KTN1: variants seen among roughly 807,000 people sequenced by gnomAD.
KTN1 encodes kinectin.
In KTN1, 130 loss-of-function variants were observed where a neutral mutation model predicts 222.5. The observed-to-expected ratio is 0.58, with a 90% CI of 0.51 to 0.68. The LOEUF (loss-of-function observed/expected upper bound fraction) is 0.68, where lower values mean the gene tolerates loss of function less well. Ranked by LOEUF, KTN1 falls within the 30% of genes least tolerant of loss-of-function variation. The probability of loss-of-function intolerance (pLI) is 0.00; values close to 1 mark genes in which losing one functional copy is unlikely to be tolerated. For missense variants in KTN1, 1,508 were observed against 1,500.4 expected (o/e 1.01, Z -0.08); for synonymous variants, 512 against 496.3 (o/e 1.03, Z -0.42).
rs540108831 is a variant in KTN1, at chr14:55,637,865, T to C, written c.1785+18T>C. 20 of 1,585,152 alleles carry C rather than the reference T, an allele frequency of 1.3e-5. No individual in the cohort carries two copies. Among genetic ancestry groups the C allele is most frequent in the African/African-American group, 5.4e-5 (4 of 74,044 alleles). On this transcript the variant is annotated intron_variant, in intron 12 of 43. Transcript: ENST00000395314. ...CAGCCCAGGTAATGATGCTTTCTTA[T>C]TGCTTATGATTAATAACTTGCAGCC...
chr14:55,624,177 G>A (rs1195550762), intron 5 of KTN1, among the ~76,000 whole-genome samples: 1 of 152,232 alleles, frequency 6.6e-6, no homozygotes, highest in Non-Finnish European at 1.5e-5. Flanking sequence ...TCCTGAATCT[G>A]AGTAAGACTA....
At chr14:55,659,814 G>C (rs908009100) in intron 31 of KTN1, 111 bp downstream of exon 31, 1 of 648,188 alleles carries the variant, frequency 1.5e-6, no homozygotes, top group Non-Finnish European at 2.8e-6. Context: ...GATTTTTACA[G>C]TTCTATTTGG....
rs573558556 is a variant in KTN1, at chr14:55,630,102, A to G, written c.1221+5A>G. 39 of 1,610,016 alleles carry G rather than the reference A, an allele frequency of 2.4e-5. No homozygotes were observed. In the African/African-American group the frequency reaches 4.3e-4, roughly 18 times the overall value. The stretch of plus-strand genomic sequence containing the variant: ...ACTCAACAGATGCAGATGAAGGTAT[A>G]TTTTCATTCTTTGGAAACAAGATGA... On this transcript the variant is annotated splice_donor_5th_base_variant and intron_variant, in intron 7 of 43. Transcript: ENST00000395314.
At chr14:55,600,487 A>G (rs2035806149) in intron 1 of KTN1, among the ~76,000 whole-genome samples, 2 of 152,170 alleles carry the variant, frequency 1.3e-5, no homozygotes, top group African/African-American at 2.4e-5. Context: ...GATCAAAACT[A>G]AAAAGAACTT....
chr14:55,656,027 TG>T lies in KTN1; in HGVS notation c.2802-14del. 6.6e-7 allele frequency: 1 copy of T among 1,521,766 alleles called. No individual in the cohort carries two copies. Among genetic ancestry groups the T allele is most frequent in the South Asian group, 1.2e-5 (1 of 84,900 alleles). 94.3% of individuals were successfully genotyped at this position (1,521,766 alleles called of 1,614,324 possible). A position where few individuals can be genotyped will look rare whatever the true frequency, so the allele number is the denominator to read the frequency against. On this transcript the variant is annotated splice_polypyrimidine_tract_variant and intron_variant, in intron 28 of 43. Coordinates refer to ENST00000395314, the MANE Select transcript of KTN1 (RefSeq NM_001079521.2). ...ATGTACTTTAGTTAATGCAGATCTT[TG>T]TAAAAAATTCTAGGTTGAAAGAAAA...
At chr14:55,667,981 A>G (rs1308345510) in intron 34 of KTN1, 2 of 151,904 alleles carry the variant, frequency 1.3e-5, no homozygotes, top group African/African-American at 2.4e-5. Context: ...GATGTACCCA[A>G]CATCTCTCCA....
At chr14:55,672,408 TC>T (rs2045529798) in intron 37 of KTN1, 1 of 407,030 alleles carries the variant, frequency 2.5e-6, no homozygotes, top group African/African-American at 2.1e-5. Flanking sequence ...AAAAAATTAA[TC>T]ACTTTTAGCC....
chr14:55,682,434 G>C (rs2046455810), intron 43 of KTN1: 1 of 151,980 alleles, frequency 6.6e-6, no homozygotes, highest in African/African-American at 2.4e-5. Flanking sequence ...CATTTGCCTG[G>C]TTTCTAAGTT....
At position 55,658,629 on chromosome 14, in the gene KTN1, A is replaced by G. The variant is rs112709086; in HGVS notation, c.2961+15A>G. On this transcript the variant is annotated intron_variant, in intron 30 of 43. Coordinates refer to ENST00000395314, the MANE Select transcript of KTN1 (RefSeq NM_001079521.2). ...ACTACCAACAGGTAGGTATTATTAG[A>G]TGTCTTGCCTTTCACTTACGTGGCA... 1.3e-6 allele frequency: 2 copies of G among 1,559,420 alleles called. No individual in the cohort carries two copies. The highest frequency in any genetic ancestry group is 1.2e-5 in the South Asian group (1 of 85,638).
intron 1 of KTN1, 177 bp from the exon 2 acceptor site, chr14:55,611,842 A>G (rs879541183): frequency 1.5e-5 from 5 of 326,876 alleles, no homozygotes; most frequent in South Asian, 1.5e-4. Flanking sequence ...TTCATAGTAT[A>G]TATGAATTGT....
intron 5 of KTN1, among the ~76,000 whole-genome samples, chr14:55,620,728 G>A (rs1730414103): frequency 6.6e-6 from 1 of 152,134 alleles, no homozygotes; most frequent in Non-Finnish European, 1.5e-5. Flanking sequence ...CCTGGGCCCT[G>A]CTCAGGAAAC....
intron 1 of KTN1, among the ~76,000 whole-genome samples, chr14:55,585,156 A>AAAC (rs2032705755): frequency 6.7e-6 from 1 of 148,980 alleles, no homozygotes; most frequent in South Asian, 2.2e-4. Context: ...AAAAAAAAAA[A>AAAC]TCTCACATTC....
intron 1 of KTN1, among the ~76,000 whole-genome samples, chr14:55,595,416 A>C (rs143938368): frequency 1.3e-5 from 2 of 152,126 alleles, no homozygotes; most frequent in East Asian, 3.9e-4. Context: ...GTTCCAGCTT[A>C]TCTGAACTAG....
intron 1 of KTN1, among the ~76,000 whole-genome samples, chr14:55,599,197 T>A (rs2035561352): frequency 6.6e-6 from 1 of 152,202 alleles, no homozygotes; most frequent in Admixed American, 6.5e-5. Context: ...GAGTGTTTTC[T>A]GTGTTTCTGA....
At chr14:55,616,764 T>G in intron 3 of KTN1, 110 bp downstream of exon 3, 1 of 844,906 alleles carries the variant, frequency 1.2e-6, no homozygotes, top group Non-Finnish European at 1.8e-6. Context: ...TGTGTGCTAA[T>G]GACAACTGTA....
chr14:55,618,912 A>AT (rs3215765), intron 4 of KTN1, among the ~76,000 whole-genome samples: 3 of 151,566 alleles, frequency 2.0e-5, no homozygotes, highest in Admixed American at 6.6e-5. Context: ...CACCTAAGTG[A>AT]TTTTTTTTTA....
chr14:55,581,736 C>T (rs1040391605), intron 1 of KTN1, among the ~76,000 whole-genome samples: 2 of 152,014 alleles, frequency 1.3e-5, no homozygotes, highest in Non-Finnish European at 2.9e-5. Context: ...CAGTTTGGTC[C>T]GAAGCAATTG....
At chr14:55,636,571 A>G (rs2041146274) in intron 10 of KTN1, 35 bp downstream of exon 10, 2 of 1,517,194 alleles carry the variant, frequency 1.3e-6, no homozygotes, top group Non-Finnish European at 1.8e-6. Flanking sequence ...AACTTTGTAT[A>G]TAATTTTGGG....
chr14:55,646,325 C>G (rs971534504), intron 18 of KTN1, among the ~76,000 whole-genome samples: 5 of 152,078 alleles, frequency 3.3e-5, no homozygotes, highest in Non-Finnish European at 7.4e-5. Context: ...GATTTATGCA[C>G]TTGTCTACGT....
Sources: allele counts gnomAD v4.1 joint callset (sites outside exome capture counted in the v4.1 genomes callset), GRCh38; gene constraint gnomAD v4.1.1; transcripts MANE v1.5; gene names NCBI Gene and HGNC (gene_info 2026-07-23, HGNC 2026-07-21).